The following PLXNA4 variants were observed in gnomAD, a reference collection of about 807,000 sequenced individuals.
PLXNA4 encodes plexin-A4.
Under a neutral mutation model 191.8 loss-of-function variants are expected in PLXNA4, and 44 were observed. That is an observed-to-expected ratio of 0.23 (90% confidence interval 0.18 to 0.29). The LOEUF (loss-of-function observed/expected upper bound fraction) is 0.29, where lower values mean the gene tolerates loss of function less well. PLXNA4 is among the 10% of genes least tolerant of loss of function. The probability of loss-of-function intolerance (pLI) is 1.00; values close to 1 mark genes in which losing one functional copy is unlikely to be tolerated. For missense variants in PLXNA4, 1,800 were observed against 2,488.8 expected (o/e 0.72, Z 5.89); for synonymous variants, 1,082 against 1,009.5 (o/e 1.07, Z -1.36).
chr7:132,533,568 A>C (rs1290060257), intron 1 of PLXNA4, among the ~76,000 whole-genome samples: 1 of 152,218 alleles, frequency 6.6e-6, no homozygotes, highest in Non-Finnish European at 1.5e-5. Context: ...TCCACAAGAA[A>C]ACCATTTTTC....
At chr7:132,560,873 T>C (rs1801008726) in intron 1 of PLXNA4, among the ~76,000 whole-genome samples, 1 of 152,154 alleles carries the variant, frequency 6.6e-6, no homozygotes. Context: ...ACTTCTCAGA[T>C]CAGCCCCTTT....
chr7:132,638,512 C>T (rs1242324282), intron 2 of PLXNA4, among the ~76,000 whole-genome samples: 4 of 151,958 alleles, frequency 2.6e-5, no homozygotes, highest in East Asian at 1.9e-4. Flanking sequence ...ATTAACTGGG[C>T]GTGATGGTGT....
chr7:132,493,747 GTGGATGGATGGATGGATGGA>G (rs369999925), intron 2 of PLXNA4, among the ~76,000 whole-genome samples: 5 of 146,398 alleles, frequency 3.4e-5, no homozygotes, highest in South Asian at 2.2e-4. Context: ...GGGTGGATGG[GTGGATGGATGGATGGATGGA>G]TGGATGGATG....
chr7:132,145,416 G>A, intron 28 of PLXNA4, 128 bp from the exon 29 acceptor site: 2 of 1,269,922 alleles, frequency 1.6e-6, no homozygotes, highest in South Asian at 1.5e-5. Flanking sequence ...GTAAAATTGG[G>A]TAAGTCCATG....
intron 29 of PLXNA4, 80 bp downstream of exon 29, chr7:132,145,039 G>A: frequency 6.2e-7 from 1 of 1,602,314 alleles, no homozygotes; most frequent in Non-Finnish European, 8.5e-7. Flanking sequence ...TCTCCTGGAG[G>A]CCCAGAGTCC....
At chr7:132,169,095 T>C (rs1196522717) in intron 21 of PLXNA4, among the ~76,000 whole-genome samples, 1 of 152,166 alleles carries the variant, frequency 6.6e-6, no homozygotes, top group Non-Finnish European at 1.5e-5. Context: ...ACCACCTTGC[T>C]GGGTAACTCT....
chr7:132,530,952 T>C (rs1035173019), intron 1 of PLXNA4, among the ~76,000 whole-genome samples: 7 of 152,268 alleles, frequency 4.6e-5, no homozygotes, highest in African/African-American at 1.7e-4. Context: ...AAAAATATTA[T>C]GCTAAGTGAA....
At chr7:132,384,324 C>G in intron 3 of PLXNA4, 1 of 985,460 alleles carries the variant, frequency 1.0e-6, no homozygotes, top group Non-Finnish European at 1.2e-6. Context: ...CCTTCATACA[C>G]TCTTGACTAC....
In PLXNA4 at chr7:132,150,179, G is replaced by A. The variant is rs141416531; in HGVS notation, c.4661-1533C>T. ...AGCTGGGATTGCTCATGGTGATTAT[G>A]GTCTGGGGTGGTTAGACTAATAGGC... On this transcript the variant is annotated intron_variant, in intron 25 of 31. Coordinates refer to ENST00000321063, the MANE Select transcript of PLXNA4 (RefSeq NM_020911.2). Among the ~76,000 whole-genome samples the A allele has an allele frequency of 3.4e-4, 52 of 152,334 alleles. No homozygotes were observed. In the East Asian group the frequency reaches 8.3e-3, roughly 24 times the overall value.
chr7:132,340,131 G>T (rs181392805), intron 3 of PLXNA4, among the ~76,000 whole-genome samples: 9 of 152,290 alleles, frequency 5.9e-5, no homozygotes, highest in Non-Finnish European at 1.0e-4. Flanking sequence ...GTCCCTGAGG[G>T]AGTCTGTGGC....
chr7:132,631,130 G>A (rs1441809391), intron 2 of PLXNA4, among the ~76,000 whole-genome samples: 1 of 152,130 alleles, frequency 6.6e-6, no homozygotes, highest in Non-Finnish European at 1.5e-5. Flanking sequence ...TTAAATATAT[G>A]CAGATTTTGC....
At chr7:132,577,760 T>A (rs141093920), upstream of PLXNA4, among the ~76,000 whole-genome samples, 441 of 152,264 alleles carry the variant, frequency 2.9e-3, 3 homozygotes, top group African/African-American at 0.01. Context: ...CTCTGGGCGC[T>A]GGCCGTCGGA....
In PLXNA4 at chr7:132,512,080, C is replaced by T. The variant is rs143880896; in HGVS notation, c.-86-3301G>A. 4.1e-4 allele frequency among the ~76,000 whole-genome samples: 63 copies of T among 152,350 alleles called. No homozygotes were observed. In the East Asian group the frequency reaches 0.012, roughly 28 times the overall value. On this transcript the variant is annotated intron_variant, in intron 1 of 31. Transcript: ENST00000321063. ...GAGACTGCTCTTTGGGCACCATATG[C>T]TCTGCCGGCTAACAGGGCCCTCAAA...
intron 1 of PLXNA4, among the ~76,000 whole-genome samples, chr7:132,559,976 C>T (rs995267300): frequency 2.0e-5 from 3 of 152,092 alleles, no homozygotes; most frequent in Non-Finnish European, 4.4e-5. Flanking sequence ...AAAGGCATTC[C>T]CATGATAAAA....
intron 1 of PLXNA4, among the ~76,000 whole-genome samples, chr7:132,516,241 T>TTTAC (rs1048447779): frequency 2.0e-5 from 3 of 151,366 alleles, no homozygotes; most frequent in South Asian, 4.2e-4. Context: ...TATTTATTTA[T>TTTAC]TTATTTATTT....
intron 3 of PLXNA4, among the ~76,000 whole-genome samples, chr7:132,446,116 GA>G (rs1318828542): frequency 6.6e-6 from 1 of 152,150 alleles, no homozygotes; most frequent in East Asian, 1.9e-4. Flanking sequence ...GAGGTAGACT[GA>G]CCCCCAACCT....
At chr7:132,266,434 G>T (rs116613523) in intron 4 of PLXNA4, 1 of 152,038 alleles carries the variant, frequency 6.6e-6, no homozygotes, top group Non-Finnish European at 1.5e-5. Context: ...TGACATTAAG[G>T]CCCCATTTGC....
At chr7:132,361,994 G>A (rs1234056918) in intron 3 of PLXNA4, among the ~76,000 whole-genome samples, 1 of 152,130 alleles carries the variant, frequency 6.6e-6, no homozygotes, top group African/African-American at 2.4e-5. Context: ...CTAAAGTGAG[G>A]TATGAATACC....
chr7:132,251,551 A>C (rs960642521), intron 4 of PLXNA4, among the ~76,000 whole-genome samples: 8 of 151,944 alleles, frequency 5.3e-5, no homozygotes, highest in Non-Finnish European at 1.2e-4. Context: ...CTGGGCAGGC[A>C]CTCCCTTCTC....
Sources: gnomAD v4.1 joint callset for allele counts (sites outside exome capture counted in the v4.1 genomes callset) on GRCh38, gnomAD v4.1.1 for gene constraint, MANE v1.5 for transcripts, NCBI Gene and HGNC (gene_info 2026-07-23, HGNC 2026-07-21) for gene names.